The following CADM2 variants were observed in gnomAD, a reference collection of about 807,000 sequenced individuals.
CADM2 encodes cell adhesion molecule 2.
In CADM2, 12 loss-of-function variants were observed where a neutral mutation model predicts 49.8. That is an observed-to-expected ratio of 0.24 (90% CI 0.15 to 0.39). The LOEUF (loss-of-function observed/expected upper bound fraction) is 0.39, where lower values mean the gene tolerates loss of function less well. Ranked by LOEUF, CADM2 falls within the 10% of genes least tolerant of loss-of-function variation. CADM2 has a pLI of 1.00. For missense variants in CADM2, 378 were observed against 492.3 expected, an observed-to-expected ratio of 0.77 and a Z score of 2.20; for synonymous variants, 214 against 175.4, an observed-to-expected ratio of 1.22 and a Z score of -1.74.
At position 85,592,378 on chromosome 3, in the gene CADM2, TTTAATGGTCA is replaced by T. The variant is rs536311726; in HGVS notation, c.62-134142_62-134133del. ...AGAAAAATGCAATACAGTTGACCCA[TTTAATGGTCA>T]TCTCAGTTTGGCTCCTTAACACCAA... On this transcript the variant is annotated intron_variant, in intron 1 of 9. Transcript: ENST00000383699. 2.5e-3 allele frequency among the ~76,000 whole-genome samples: 384 copies of T among 152,078 alleles called. 4 individuals carry two copies. Among genetic ancestry groups the T allele is most frequent in the African/African-American group, 8.9e-3 (368 of 41,542 alleles).
At chr3:85,153,071 C>T (rs1035668695) in intron 1 of CADM2, among the ~76,000 whole-genome samples, 6 of 151,818 alleles carry the variant, frequency 4.0e-5, no homozygotes, top group Admixed American at 6.6e-5. Flanking sequence ...ATTAACACTG[C>T]GGGGGAGGAG....
intron 1 of CADM2, among the ~76,000 whole-genome samples, chr3:85,696,695 A>G (rs1199534544): frequency 6.6e-6 from 1 of 151,860 alleles, no homozygotes; most frequent in South Asian, 2.1e-4. Context: ...CTTTATTTTT[A>G]TTAAAAGTTA....
intron 1 of CADM2, among the ~76,000 whole-genome samples, chr3:85,038,910 G>C (rs2035326634): frequency 6.6e-6 from 1 of 151,988 alleles, no homozygotes; most frequent in Admixed American, 6.6e-5. Flanking sequence ...TCATCCCCTT[G>C]TCATTATAAA....
chr3:85,103,752 G>A (rs147236931), intron 1 of CADM2, among the ~76,000 whole-genome samples: 5 of 152,108 alleles, frequency 3.3e-5, no homozygotes, highest in Admixed American at 6.6e-5. Context: ...AAGCACATAC[G>A]AAACAATATT....
At chr3:85,950,086 AAT>A (rs1402607738) in intron 7 of CADM2, among the ~76,000 whole-genome samples, 1 of 151,262 alleles carries the variant, frequency 6.6e-6, no homozygotes, top group Admixed American at 6.6e-5. Flanking sequence ...ATAAAATTTT[AAT>A]AGTCAATAAT....
intron 3 of CADM2, among the ~76,000 whole-genome samples, chr3:85,879,449 A>C (rs1198073720): frequency 6.6e-6 from 1 of 152,098 alleles, no homozygotes; most frequent in Admixed American, 6.6e-5. Context: ...TGATTTTTTA[A>C]AGATACTTAG....
intron 3 of CADM2, among the ~76,000 whole-genome samples, chr3:85,878,434 C>T (rs1354998511): frequency 2.0e-5 from 3 of 152,020 alleles, no homozygotes; most frequent in Admixed American, 2.0e-4. Flanking sequence ...ATAGAAACAA[C>T]TGAAAGTATT....
chr3:85,397,155 T>A (rs1482778343), intron 1 of CADM2, among the ~76,000 whole-genome samples: 1 of 152,118 alleles, frequency 6.6e-6, no homozygotes, highest in Admixed American at 6.6e-5. Flanking sequence ...ACAAAAAAGA[T>A]GCCCAATATC....
At chr3:85,963,967 C>A (rs561035796) in intron 8 of CADM2, among the ~76,000 whole-genome samples, 1 of 151,870 alleles carries the variant, frequency 6.6e-6, no homozygotes, top group Non-Finnish European at 1.5e-5. Context: ...ATGAGAGGCT[C>A]GATGAAACAG....
chr3:85,821,679 A>C (rs571681112), intron 3 of CADM2, among the ~76,000 whole-genome samples: 1 of 152,246 alleles, frequency 6.6e-6, no homozygotes, highest in East Asian at 1.9e-4. Context: ...GTGGAGCTGC[A>C]ATGGTGATCA....
At chr3:85,552,366 GTTTTTTTTTTTTTT>G (rs36014885) in intron 1 of CADM2, among the ~76,000 whole-genome samples, 1 of 87,588 alleles carries the variant, frequency 1.1e-5, no homozygotes, top group African/African-American at 4.6e-5. Flanking sequence ...ACTTTGAAAA[GTTTTTTTTTTTTTT>G]TTTTTTTTTT....
chr3:85,337,715 C>A (rs2045127599), intron 1 of CADM2, among the ~76,000 whole-genome samples: 1 of 151,372 alleles, frequency 6.6e-6, no homozygotes, highest in Non-Finnish European at 1.5e-5. Context: ...TCTACAAAAT[C>A]TATAAACACC....
chr3:85,780,724 A>AT (rs896847175), intron 2 of CADM2, among the ~76,000 whole-genome samples: 7 of 151,966 alleles, frequency 4.6e-5, no homozygotes, highest in Admixed American at 2.0e-4. Context: ...AATAATCTTA[A>AT]TTTTTTTCTT....
At chr3:85,285,280 A>G (rs1260907094) in intron 1 of CADM2, among the ~76,000 whole-genome samples, 1 of 152,128 alleles carries the variant, frequency 6.6e-6, no homozygotes. Context: ...TGCAATGTTC[A>G]GCACATATAT....
At chr3:85,084,416 C>T (rs989428982) in intron 1 of CADM2, among the ~76,000 whole-genome samples, 3 of 152,046 alleles carry the variant, frequency 2.0e-5, no homozygotes, top group African/African-American at 7.2e-5. Context: ...CCAATTATCA[C>T]CTTGAACAGT....
At chr3:85,504,739 G>C (rs948841890) in intron 1 of CADM2, among the ~76,000 whole-genome samples, 20 of 152,172 alleles carry the variant, frequency 1.3e-4, no homozygotes, top group African/African-American at 4.6e-4. Context: ...GGCGCTCATC[G>C]GGGAGGCTCG....
intron 1 of CADM2, among the ~76,000 whole-genome samples, chr3:84,987,729 A>G (rs915900577): frequency 1.3e-5 from 2 of 152,304 alleles, no homozygotes; most frequent in East Asian, 1.9e-4. Context: ...ATTAAAAACT[A>G]TGGTGTATAT....
intron 1 of CADM2, among the ~76,000 whole-genome samples, chr3:85,176,259 C>A (rs1187603529): frequency 1.3e-5 from 2 of 152,122 alleles, no homozygotes; most frequent in African/African-American, 4.8e-5. Flanking sequence ...CATGCACTTC[C>A]AGCAGCCATA....
At chr3:85,940,774 C>A (rs528628984) in intron 7 of CADM2, among the ~76,000 whole-genome samples, 2 of 151,972 alleles carry the variant, frequency 1.3e-5, no homozygotes, top group Admixed American at 6.6e-5. Flanking sequence ...TATAAATCTG[C>A]GGATATTAGT....
Sources: gnomAD v4.1 joint callset for allele counts (sites outside exome capture counted in the v4.1 genomes callset) on GRCh38, gnomAD v4.1.1 for gene constraint, MANE v1.5 for transcripts, NCBI Gene and HGNC (gene_info 2026-07-23, HGNC 2026-07-21) for gene names.